CD163L1: variants seen among roughly 807,000 people sequenced by gnomAD.
The protein encoded by CD163L1 is CD163 molecule like 1.
CD163L1 carries 124 observed loss-of-function variants against 165.4 expected under a neutral mutation model. The observed-to-expected ratio is 0.75, with a 90% CI of 0.65 to 0.87. CD163L1 has a LOEUF of 0.87. Ranked by LOEUF, CD163L1 falls within the 40% of genes least tolerant of loss-of-function variation. CD163L1 has a pLI of 0.00. For synonymous variants in CD163L1, 585 were observed against 662.2 expected, an observed-to-expected ratio of 0.88 and a Z score of 1.79; for missense variants, 1,525 against 1,799.9, an observed-to-expected ratio of 0.85 and a Z score of 2.76.
At chr12:7,437,624 T>C (rs1948756101) in intron 2 of CD163L1, among the ~76,000 whole-genome samples, 1 of 151,240 alleles carries the variant, frequency 6.6e-6, no homozygotes, top group Admixed American at 6.6e-5. Context: ...CTCAGAATGA[T>C]GGTTTCCAGC....
chr12:7,444,105 CA>C lies in CD163L1; in HGVS notation c.22del (p.Trp8GlyfsTer19). The part of the protein sequence containing the change: MMLPQNS[W>X]HIDFGRCCCH... The stretch of plus-strand genomic sequence containing the variant: ...TAAAAGCAAAACCTTACCAATATGC[CA>C]CGAGTTTTGAGGCAGCATCATTATG... On this transcript the variant is annotated frameshift_variant, in exon 1 of 20. Coordinates refer to ENST00000313599, the MANE Select transcript of CD163L1 (RefSeq NM_174941.6). LOFTEE classifies it high-confidence loss of function. 1 of 1,613,694 alleles carries C rather than the reference CA, an allele frequency of 6.2e-7. No homozygotes were observed. The highest frequency in any genetic ancestry group is 8.5e-7 in the Non-Finnish European group (1 of 1,179,758).
chr12:7,424,695 A>G (rs1565813065), intron 4 of CD163L1, among the ~76,000 whole-genome samples: 1 of 152,126 alleles, frequency 6.6e-6, no homozygotes, highest in Non-Finnish European at 1.5e-5. Flanking sequence ...CCAATAATAG[A>G]CAAACAGAGA....
chr12:7,380,419 A>G (rs1464389907), intron 8 of CD163L1, among the ~76,000 whole-genome samples: 2 of 76,954 alleles, frequency 2.6e-5, no homozygotes, highest in Non-Finnish European at 3.6e-5. Context: ...GTGTGTATAT[A>G]TATACACATG....
chr12:7,329,044 G>A, the CD163L1 span, among the ~76,000 whole-genome samples: 15 of 146,912 alleles, frequency 1.0e-4, no homozygotes, highest in Admixed American at 1.0e-3. Context: ...TGATGTATCT[G>A]TATATATACA....
downstream of CD163L1, among the ~76,000 whole-genome samples, chr12:7,353,837 TGTAG>T (rs1456131790): frequency 6.6e-6 from 1 of 152,058 alleles, no homozygotes; most frequent in Non-Finnish European, 1.5e-5. Context: ...TTTATTTTAG[TGTAG>T]GTATCTGTAA....
intron 18 of CD163L1, among the ~76,000 whole-genome samples, chr12:7,366,548 T>G (rs1947025371): frequency 6.6e-6 from 1 of 152,116 alleles, no homozygotes; most frequent in Admixed American, 6.6e-5. Flanking sequence ...AAAAACAATG[T>G]TAATTAAAAT....
chr12:7,417,864 T>TA (rs546653862), intron 4 of CD163L1, among the ~76,000 whole-genome samples: 11 of 152,238 alleles, frequency 7.2e-5, no homozygotes, highest in South Asian at 2.1e-4. Context: ...GATATTGGCC[T>TA]GCAGTTTTTT....
At position 7,375,838 on chromosome 12, in the gene CD163L1, A is replaced by C; in HGVS notation, c.2548T>G (p.Phe850Val). Residue 850 changes from phenylalanine to valine, a missense_variant, in exon 10 of 20, where the codon TTT becomes GTT. Coordinates refer to ENST00000313599, the MANE Select transcript of CD163L1 (RefSeq NM_174941.6). ...CAAGTTAGACCATTCCCTTTTCCAA[A>C]GTGATCTCCCACAGAAAGAGATATG... ...DAISLSVGDHFGKGNGLTWAE... is the reference protein window; with the variant it reads ...DAISLSVGDHVGKGNGLTWAE... 1 of 1,614,214 alleles carries C rather than the reference A, an allele frequency of 6.2e-7. No homozygotes were observed. Among genetic ancestry groups the C allele is most frequent in the East Asian group, 2.2e-5 (1 of 44,874 alleles).
chr12:7,365,547 G>A (rs1415034758), intron 18 of CD163L1, among the ~76,000 whole-genome samples: 1 of 151,958 alleles, frequency 6.6e-6, no homozygotes, highest in East Asian at 1.9e-4. Flanking sequence ...AATATATAGA[G>A]CTCAGACAAC....
chr12:7,323,572 G>T, the CD163L1 span: 20 of 1,604,436 alleles, frequency 1.2e-5, no homozygotes, highest in Non-Finnish European at 1.6e-5. Flanking sequence ...TATGAGGATA[G>T]AAAGTGCTGG....
chr12:7,433,344 C>T (rs1948661104), intron 3 of CD163L1, 30 bp downstream of exon 3: 2 of 1,549,624 alleles, frequency 1.3e-6, no homozygotes, highest in Non-Finnish European at 1.7e-6. Flanking sequence ...TAGGTCTTAC[C>T]TTGCCTTCCT....
At chr12:7,431,746 T>TA (rs1386493458) in intron 4 of CD163L1, among the ~76,000 whole-genome samples, 3 of 151,864 alleles carry the variant, frequency 2.0e-5, no homozygotes, top group Non-Finnish European at 2.9e-5. Context: ...CCCTAGAACT[T>TA]AAAGTATAAA....
intron 8 of CD163L1, among the ~76,000 whole-genome samples, chr12:7,392,078 T>C (rs758318289): frequency 5.3e-5 from 8 of 152,168 alleles, no homozygotes; most frequent in South Asian, 2.1e-4. Flanking sequence ...GAGGACCTAA[T>C]AGACATCTGC....
In CD163L1 at chr12:7,365,909, G is replaced by A. The variant is rs76536472; in HGVS notation, c.4279+1327C>T. On this transcript the variant is annotated intron_variant, in intron 18 of 19. Transcript: ENST00000313599. ...ATACAATTCAGCAATTCCACTTCTG[G>A]GTATATATCCAAAAGAAAGAAAATT... Among the ~76,000 whole-genome samples the A allele has an allele frequency of 7.2e-4, 110 of 152,014 alleles. 2 individuals carry two copies. In the East Asian group the frequency reaches 0.02, roughly 27 times the overall value.
At chr12:7,335,720 C>A in the CD163L1 span, among the ~76,000 whole-genome samples, 2 of 152,146 alleles carry the variant, frequency 1.3e-5, no homozygotes, top group East Asian at 1.9e-4. Flanking sequence ...AGTGAACAGG[C>A]AACCTATAGA....
At chr12:7,329,401 C>A in the CD163L1 span, among the ~76,000 whole-genome samples, 1 of 144,524 alleles carries the variant, frequency 6.9e-6, no homozygotes, top group Non-Finnish European at 1.5e-5. Flanking sequence ...GCACATTGTG[C>A]AGGTTAGTTT....
At chr12:7,405,018 T>A (rs1323105160) in intron 5 of CD163L1, among the ~76,000 whole-genome samples, 2 of 152,202 alleles carry the variant, frequency 1.3e-5, no homozygotes, top group East Asian at 1.9e-4. Context: ...AAGGCCAATG[T>A]ATCTAACTAC....
Position 7,399,207 on chromosome 12 carries a change from CT to C in CD163L1, c.1409-624del, listed in dbSNP as rs199587646. ...CTTTTCTTTTCCTTTTCTTCTTTCTCTTTTTTTCTTCCTTTCTCTGTCTTCT... is the reference window on the plus strand; with the variant it reads ...CTTTTCTTTTCCTTTTCTTCTTTCTCTTTTTTCTTCCTTTCTCTGTCTTCT... On this transcript the variant is annotated intron_variant, in intron 6 of 19. Transcript: ENST00000313599. Among the ~76,000 whole-genome samples, 646 of 149,092 alleles carry C rather than the reference CT, an allele frequency of 4.3e-3. 28 individuals are homozygous for C. In the East Asian group the frequency reaches 0.07, roughly 16 times the overall value.
intron 4 of CD163L1, among the ~76,000 whole-genome samples, chr12:7,416,795 G>A (rs1339797629): frequency 6.6e-6 from 1 of 152,152 alleles, no homozygotes; most frequent in East Asian, 1.9e-4. Flanking sequence ...TTTGGTATGA[G>A]TACCATGCTG....
Sources: allele counts gnomAD v4.1 joint callset (sites outside exome capture counted in the v4.1 genomes callset), GRCh38; gene constraint gnomAD v4.1.1; transcripts MANE v1.5; gene names NCBI Gene and HGNC (gene_info 2026-07-23, HGNC 2026-07-21).